STRN: variants seen among roughly 807,000 people sequenced by gnomAD.
STRN encodes protein phosphatase 2 regulatory subunit B'''alpha.
Under a neutral mutation model 96.3 loss-of-function variants are expected in STRN, and 53 were observed. The ratio of observed to expected loss-of-function variants is 0.55; its 90% CI spans 0.44 to 0.69. The LOEUF (loss-of-function observed/expected upper bound fraction) is 0.69. STRN is among the 30% of genes least tolerant of loss of function. STRN has a pLI of 0.00. For missense variants in STRN, 987 were observed against 963.9 expected, an observed-to-expected ratio of 1.02 and a Z score of -0.32; for synonymous variants, 428 against 355.9, an observed-to-expected ratio of 1.20 and a Z score of -2.28.
intron 10 of STRN, among the ~76,000 whole-genome samples, chr2:36,877,686 C>A (rs1165592294): frequency 1.3e-5 from 2 of 152,226 alleles, no homozygotes; most frequent in African/African-American, 4.8e-5. Context: ...TAGGCACCTG[C>A]CGCCATGCCT....
Position 36,845,892 on chromosome 2 carries a change from C to G in STRN, c.*3564G>C, listed in dbSNP as rs1182849054. 2.1e-5 allele frequency: 1 copy of G among 48,386 alleles called. No homozygotes were observed. The highest frequency in any genetic ancestry group is 6.2e-5 in the African/African-American group (1 of 16,066). The allele number at this position is 48,386 out of a possible 1,614,324, so 3.0% of individuals were successfully genotyped here. Reference sequence around the variant, plus strand: ...ACCTTCACAGATTGGTAAACACACACACACACACACACACGCATGCATGCA... The same window carrying G: ...ACCTTCACAGATTGGTAAACACACAGACACACACACACACGCATGCATGCA... On this transcript the variant is annotated 3_prime_UTR_variant, in exon 18 of 18. Transcript: ENST00000263918.
chr2:36,880,692 T>C (rs145523865), intron 9 of STRN, among the ~76,000 whole-genome samples: 1 of 152,210 alleles, frequency 6.6e-6, no homozygotes, highest in African/African-American at 2.4e-5. Context: ...AAAATATCAG[T>C]TGAATGACTC....
chr2:36,961,463 T>C (rs1473295540), intron 1 of STRN, among the ~76,000 whole-genome samples: 1 of 152,108 alleles, frequency 6.6e-6, no homozygotes, highest in African/African-American at 2.4e-5. Context: ...GACTCCCCTT[T>C]TTCTCAAACC....
chr2:36,944,062 G>A (rs549570747), intron 1 of STRN, among the ~76,000 whole-genome samples: 1 of 152,282 alleles, frequency 6.6e-6, no homozygotes, highest in South Asian at 2.1e-4. Flanking sequence ...AGAGGTTTCA[G>A]TGAGCCAAGA....
chr2:36,955,957 T>C (rs1572700437), intron 1 of STRN, among the ~76,000 whole-genome samples: 1 of 152,342 alleles, frequency 6.6e-6, no homozygotes, highest in African/African-American at 2.4e-5. Context: ...CTAAATAAAC[T>C]CTGTTGAAAA....
In STRN at chr2:36,884,093, G is replaced by C. The variant is rs377096535; in HGVS notation, c.1043-18C>G. 13 of 1,319,356 alleles carry C rather than the reference G, an allele frequency of 9.9e-6. No homozygotes were observed. The highest frequency in any genetic ancestry group is 1.3e-5 in the Non-Finnish European group (13 of 1,024,900). 81.7% of individuals were successfully genotyped at this position (1,319,356 alleles called of 1,614,324 possible). On this transcript the variant is annotated intron_variant, in intron 8 of 17. Transcript: ENST00000263918. ...ATTGGGCCCTAGCCAAAAAAAGGGG[G>C]GGTGGGAGGAGATAAAAAAGAGAAA... is the stretch of plus-strand genomic sequence containing the variant.
chr2:36,955,375 C>T (rs1664859568), intron 1 of STRN, among the ~76,000 whole-genome samples: 1 of 152,140 alleles, frequency 6.6e-6, no homozygotes, highest in Non-Finnish European at 1.5e-5. Context: ...GAAAGAAAAT[C>T]GAGAGGGAGG....
rs1410149213 is a variant in STRN, at chr2:36,838,713, C to T, written c.*10743G>A. ...CATACTCCTCAATGCAGCAATCCTA[C>T]TCCAGGGAATCTATTCCGCAGACGT... is the stretch of plus-strand genomic sequence containing the variant. On this transcript the variant is annotated 3_prime_UTR_variant, in exon 18 of 18. Coordinates refer to ENST00000263918, the MANE Select transcript of STRN (RefSeq NM_003162.4). Among the ~76,000 whole-genome samples the T allele has an allele frequency of 2.0e-5, 3 of 152,178 alleles. No homozygotes were observed. Among genetic ancestry groups the T allele is most frequent in the Non-Finnish European group, 4.4e-5 (3 of 68,030 alleles).
At chr2:36,906,463 C>CAATGAATGAATGAATGAATGAATG (rs77063437) in intron 3 of STRN, among the ~76,000 whole-genome samples, 79 of 149,872 alleles carry the variant, frequency 5.3e-4, no homozygotes, top group East Asian at 2.7e-3. Flanking sequence ...TGTCTCAAAA[C>CAATGAATGAATGAATGAATGAATG]AATGAATGAA....
chr2:36,939,389 A>G (rs1413580065), intron 1 of STRN, among the ~76,000 whole-genome samples: 1 of 152,132 alleles, frequency 6.6e-6, no homozygotes, highest in Non-Finnish European at 1.5e-5. Context: ...TGATGATAAT[A>G]TCTAGCTTTC....
intron 1 of STRN, among the ~76,000 whole-genome samples, chr2:36,930,808 G>A (rs1048922519): frequency 2.0e-4 from 31 of 152,184 alleles, no homozygotes; most frequent in African/African-American, 7.0e-4. Flanking sequence ...CGAGACGGGT[G>A]GATCACTTGA....
At chr2:36,861,884 T>C (rs2540933) in intron 12 of STRN, among the ~76,000 whole-genome samples, 2 of 152,180 alleles carry the variant, frequency 1.3e-5, no homozygotes, top group African/African-American at 4.8e-5. Flanking sequence ...GAAAAAAGCA[T>C]AGTACGCAAT....
intron 13 of STRN, 144 bp downstream of exon 13, chr2:36,860,988 G>T: frequency 1.0e-6 from 1 of 958,202 alleles, no homozygotes; most frequent in Non-Finnish European, 1.5e-6. Context: ...CCTAAATACA[G>T]AAGTCCTTTT....
chr2:36,956,027 T>A (rs1312656576), intron 1 of STRN, among the ~76,000 whole-genome samples: 1 of 152,250 alleles, frequency 6.6e-6, no homozygotes, highest in Non-Finnish European at 1.5e-5. Context: ...TTTCCACTTG[T>A]GACATCATGT....
chr2:36,886,855 C>T, intron 7 of STRN, 29 bp from the exon 8 acceptor site: 1 of 1,570,960 alleles, frequency 6.4e-7, no homozygotes, highest in Non-Finnish European at 8.7e-7. Flanking sequence ...ATGAAACAGC[C>T]TTTTTCAATA....
chr2:36,885,775 T>C (rs985975356), intron 8 of STRN, among the ~76,000 whole-genome samples: 3 of 152,152 alleles, frequency 2.0e-5, no homozygotes, highest in Non-Finnish European at 2.9e-5. Context: ...AAAGCATACC[T>C]TTCCAGTCTT....
At chr2:36,864,687 G>C (rs1368283608) in intron 12 of STRN, among the ~76,000 whole-genome samples, 4 of 152,054 alleles carry the variant, frequency 2.6e-5, no homozygotes. Context: ...TTAGGGAAAA[G>C]TCCCTCTTCC....
chr2:36,943,136 ATT>A (rs1263383109), intron 1 of STRN, among the ~76,000 whole-genome samples: 1 of 152,290 alleles, frequency 6.6e-6, no homozygotes, highest in East Asian at 1.9e-4. Flanking sequence ...AGTAAACTAT[ATT>A]TTGACTGATT....
intron 6 of STRN, 59 bp from the exon 7 acceptor site, chr2:36,894,092 A>C: frequency 6.4e-7 from 1 of 1,551,580 alleles, no homozygotes; most frequent in Non-Finnish European, 8.7e-7. Context: ...CCACTGAATA[A>C]GAAAATTCAA....
Sources: allele counts gnomAD v4.1 joint callset (sites outside exome capture counted in the v4.1 genomes callset), GRCh38; gene constraint gnomAD v4.1.1; transcripts MANE v1.5; gene names NCBI Gene and HGNC (gene_info 2026-07-23, HGNC 2026-07-21).